Variants in NUP37 observed in about 807,000 individuals in gnomAD.
The protein encoded by NUP37 is nucleoporin 37.
Under a neutral mutation model 45.4 loss-of-function variants are expected in NUP37, and 33 were observed. The observed-to-expected ratio is 0.73, with a 90% CI of 0.55 to 0.97. The LOEUF (loss-of-function observed/expected upper bound fraction) is 0.97, where lower values mean the gene tolerates loss of function less well. Among genes scored for constraint, NUP37 ranks in the 50% least tolerant of loss-of-function variants. The pLI is 0.00. For missense variants in NUP37, 365 were observed against 389.7 expected (o/e 0.94, Z 0.53); for synonymous variants, 127 against 130.7 (o/e 0.97, Z 0.19).
intron 6 of NUP37, among the ~76,000 whole-genome samples, chr12:102,078,205 C>T (rs897955869): frequency 4.0e-5 from 6 of 150,984 alleles, no homozygotes; most frequent in South Asian, 2.1e-4. Flanking sequence ...GTGGCATGCG[C>T]GTAATCCTAG....
At position 102,099,217 on chromosome 12, in the gene NUP37, C is replaced by T; in HGVS notation, c.355-17G>A. The T allele has an allele frequency of 6.4e-7, 1 of 1,557,912 alleles. No individual in the cohort carries two copies. The highest frequency in any genetic ancestry group is 8.9e-7 in the Non-Finnish European group (1 of 1,129,278). Reference sequence around the variant, plus strand: ...CTCTAAAACCTGACAGAAAGAGAAACAGAAAGCTTAGCAAGAAAACAGAAA... The same window carrying T: ...CTCTAAAACCTGACAGAAAGAGAAATAGAAAGCTTAGCAAGAAAACAGAAA... On this transcript the variant is annotated splice_polypyrimidine_tract_variant and intron_variant, in intron 4 of 9. Coordinates refer to ENST00000552283, the MANE Select transcript of NUP37 (RefSeq NM_024057.4).
intron 3 of NUP37, among the ~76,000 whole-genome samples, chr12:102,111,202 T>C (rs898686841): frequency 2.6e-5 from 4 of 152,204 alleles, no homozygotes; most frequent in Non-Finnish European, 5.9e-5. Context: ...TTCTGTATGA[T>C]CCCACTTATA....
chr12:102,084,969 T>C (rs1412569954), intron 6 of NUP37, among the ~76,000 whole-genome samples: 1 of 152,194 alleles, frequency 6.6e-6, no homozygotes, highest in Non-Finnish European at 1.5e-5. Flanking sequence ...AGTGTATTTT[T>C]AGTATTTTAG....
chr12:102,073,193 A>G lies in NUP37; in HGVS notation c.*1161T>C, dbSNP rs1219876608. 1 of 152,196 alleles carries G rather than the reference A, an allele frequency of 6.6e-6. No individual in the cohort carries two copies. Among genetic ancestry groups the G allele is most frequent in the East Asian group, 1.9e-4 (1 of 5,200 alleles). 9.4% of individuals were successfully genotyped at this position (152,196 alleles called of 1,614,324 possible). A position where few individuals can be genotyped will look rare whatever the true frequency, so the allele number is the denominator to read the frequency against. On this transcript the variant is annotated 3_prime_UTR_variant, in exon 10 of 10. Transcript: ENST00000552283. The stretch of plus-strand genomic sequence containing the variant: ...TTACAAGAGGAAATGAAGCTTCAAA[A>G]AGGGCATTAACTTGCAGGAATGGGC...
intron 2 of NUP37, among the ~76,000 whole-genome samples, chr12:102,116,350 C>G (rs1200609078): frequency 6.6e-6 from 1 of 152,094 alleles, no homozygotes; most frequent in Non-Finnish European, 1.5e-5. Context: ...TTAGTTTTAC[C>G]TGTAGGAGGC....
At chr12:102,093,713 C>T (rs1283545527) in intron 5 of NUP37, among the ~76,000 whole-genome samples, 1 of 151,964 alleles carries the variant, frequency 6.6e-6, no homozygotes, top group African/African-American at 2.4e-5. Context: ...AATACTAAAG[C>T]TATCAATAAG....
chr12:102,090,100 T>C lies in NUP37; in HGVS notation c.450-4244A>G, dbSNP rs185978094. 5.4e-3 allele frequency among the ~76,000 whole-genome samples: 820 copies of C among 152,310 alleles called. 10 individuals carry two copies. The highest frequency in any genetic ancestry group is 0.018 in the African/African-American group (767 of 41,568). ...CTGCACCTCATATTTCCTTTTCCCC[T>C]CTCATATTTAATTACCAGTGGAAAA... is the stretch of plus-strand genomic sequence containing the variant. On this transcript the variant is annotated intron_variant, in intron 5 of 9. Transcript: ENST00000552283.
intron 2 of NUP37, among the ~76,000 whole-genome samples, chr12:102,114,872 C>T (rs1221896651): frequency 6.6e-6 from 1 of 152,188 alleles, no homozygotes; most frequent in East Asian, 1.9e-4. Flanking sequence ...GAGTTCTTAA[C>T]GTTAAGCCAA....
chr12:102,074,966 A>T (rs1594381481), intron 9 of NUP37, 35 bp downstream of exon 9: 1 of 1,337,618 alleles, frequency 7.5e-7, no homozygotes, highest in East Asian at 2.4e-5. Flanking sequence ...TAAAAAAAAA[A>T]AAAGCACGTA....
intron 3 of NUP37, among the ~76,000 whole-genome samples, chr12:102,105,410 G>C (rs984702215): frequency 6.6e-6 from 1 of 151,584 alleles, no homozygotes; most frequent in African/African-American, 2.4e-5. Flanking sequence ...TGTGCCTGTA[G>C]TCCCAGCCAC....
At chr12:102,100,308 T>C (rs542488050) in intron 4 of NUP37, among the ~76,000 whole-genome samples, 3 of 152,300 alleles carry the variant, frequency 2.0e-5, no homozygotes, top group African/African-American at 7.2e-5. Context: ...CTTTGTTTTA[T>C]AACAATATTC....
intron 8 of NUP37, among the ~76,000 whole-genome samples, chr12:102,075,858 G>A (rs1879151607): frequency 6.6e-6 from 1 of 152,100 alleles, no homozygotes. Flanking sequence ...TAAAAGGAGA[G>A]GGTTCCTTCT....
intron 8 of NUP37, among the ~76,000 whole-genome samples, chr12:102,075,848 T>C (rs1164514823): frequency 6.6e-6 from 1 of 152,064 alleles, no homozygotes; most frequent in Non-Finnish European, 1.5e-5. Context: ...CAATCTCCCA[T>C]AAAAGGAGAG....
intron 1 of NUP37, among the ~76,000 whole-genome samples, 193 bp downstream of exon 1, chr12:102,119,857 G>A (rs1489249470): frequency 6.6e-6 from 1 of 152,198 alleles, no homozygotes; most frequent in Admixed American, 6.5e-5. Flanking sequence ...CGGCAGAGAA[G>A]AAGGGAGGGA....
chr12:102,091,075 G>A (rs1050353869), intron 5 of NUP37, among the ~76,000 whole-genome samples: 2 of 152,042 alleles, frequency 1.3e-5, no homozygotes, highest in Non-Finnish European at 2.9e-5. Flanking sequence ...CAGGACAGTG[G>A]TGCATCACAG....
chr12:102,090,512 A>C (rs987244528), intron 5 of NUP37, among the ~76,000 whole-genome samples: 1 of 152,220 alleles, frequency 6.6e-6, no homozygotes, highest in Non-Finnish European at 1.5e-5. Flanking sequence ...ATGTAATTAC[A>C]TAATATTACA....
chr12:102,116,448 T>C (rs1880465484), intron 2 of NUP37, among the ~76,000 whole-genome samples: 1 of 152,220 alleles, frequency 6.6e-6, no homozygotes, highest in Non-Finnish European at 1.5e-5. Context: ...GTCTTAATCA[T>C]ATGACTTTTT....
At chr12:102,080,536 A>C (rs1395074911) in intron 6 of NUP37, among the ~76,000 whole-genome samples, 2 of 152,236 alleles carry the variant, frequency 1.3e-5, no homozygotes, top group Non-Finnish European at 2.9e-5. Context: ...CAACAAAAAC[A>C]AGTATAACAC....
chr12:102,102,548 T>C (rs985034825), intron 3 of NUP37, among the ~76,000 whole-genome samples: 37 of 152,238 alleles, frequency 2.4e-4, no homozygotes, highest in African/African-American at 8.9e-4. Context: ...TTTCTCACAA[T>C]CTGTAGGTTG....
Sources: gnomAD v4.1 joint callset for allele counts (sites outside exome capture counted in the v4.1 genomes callset) on GRCh38, gnomAD v4.1.1 for gene constraint, MANE v1.5 for transcripts, NCBI Gene and HGNC (gene_info 2026-07-23, HGNC 2026-07-21) for gene names.